Variants in MCTP2 observed in about 807,000 individuals in gnomAD.
MCTP2 encodes multiple C2 and transmembrane domain-containing protein 2.
Under a neutral mutation model 111.6 loss-of-function variants are expected in MCTP2, and 132 were observed. The ratio of observed to expected loss-of-function variants is 1.18; its 90% CI spans 1.03 to 1.37. The LOEUF (loss-of-function observed/expected upper bound fraction) is 1.37, where lower values mean the gene tolerates loss of function less well. Among genes scored for constraint, MCTP2 ranks in the 40% most tolerant of loss-of-function variants. The probability of loss-of-function intolerance (pLI) is 0.00; values close to 1 mark genes in which losing one functional copy is unlikely to be tolerated. For synonymous variants in MCTP2, 395 were observed against 387.7 expected (o/e 1.02, Z -0.22); for missense variants, 1,183 against 1,067.9 (o/e 1.11, Z -1.50).
chr15:94,344,359 C>T (rs1384680101), intron 7 of MCTP2, among the ~76,000 whole-genome samples: 1 of 152,138 alleles, frequency 6.6e-6, no homozygotes, highest in Non-Finnish European at 1.5e-5. Context: ...ATGTGGTCTG[C>T]TCAATTAGGT....
At chr15:94,435,383 T>C (rs1298039600) in intron 17 of MCTP2, among the ~76,000 whole-genome samples, 1 of 152,148 alleles carries the variant, frequency 6.6e-6, no homozygotes, top group African/African-American at 2.4e-5. Flanking sequence ...GTTTTATAAA[T>C]TTTATTCTAA....
At chr15:94,345,256 C>A in intron 8 of MCTP2, 92 bp downstream of exon 8, 1 of 1,202,156 alleles carries the variant, frequency 8.3e-7, no homozygotes, top group Non-Finnish European at 1.2e-6. Context: ...ATTACCCAAT[C>A]TTTACATCAA....
At chr15:94,358,732 A>G (rs2078763960) in intron 10 of MCTP2, 120 bp downstream of exon 10, 1 of 1,216,834 alleles carries the variant, frequency 8.2e-7, no homozygotes, top group South Asian at 1.6e-5. Context: ...CCAGAGTGCC[A>G]TCAGTGAGCT....
chr15:94,240,417 T>C (rs891926747), intron 1 of MCTP2, among the ~76,000 whole-genome samples: 1 of 152,160 alleles, frequency 6.6e-6, no homozygotes, highest in African/African-American at 2.4e-5. Flanking sequence ...CTGCACTCTG[T>C]TTTGCATCCC....
At chr15:94,478,891 T>C (rs1596882522) in intron 22 of MCTP2, 75 bp from the exon 23 acceptor site, 2 of 1,308,048 alleles carry the variant, frequency 1.5e-6, no homozygotes, top group South Asian at 1.2e-5. Context: ...CGGTTGTCCT[T>C]GGGGAGCCAT....
At chr15:94,420,647 A>G (rs1246533984) in intron 17 of MCTP2, among the ~76,000 whole-genome samples, 2 of 152,208 alleles carry the variant, frequency 1.3e-5, no homozygotes, top group Non-Finnish European at 2.9e-5. Flanking sequence ...GTAGAGCCTG[A>G]AAATGTGACT....
intron 12 of MCTP2, among the ~76,000 whole-genome samples, chr15:94,373,773 A>G (rs1227832229): frequency 2.6e-5 from 4 of 152,180 alleles, no homozygotes; most frequent in African/African-American, 9.7e-5. Flanking sequence ...AAGCCTGTCA[A>G]ATGTTTTTTA....
At chr15:94,370,737 T>C (rs1380713372) in intron 12 of MCTP2, among the ~76,000 whole-genome samples, 2 of 152,178 alleles carry the variant, frequency 1.3e-5, no homozygotes, top group East Asian at 3.9e-4. Flanking sequence ...TGTGCTGGAT[T>C]ATGCTCTGCT....
chr15:94,440,426 C>T (rs185709175), intron 18 of MCTP2, 128 bp downstream of exon 18: 1 of 1,148,160 alleles, frequency 8.7e-7, no homozygotes, highest in Non-Finnish European at 1.2e-6. Flanking sequence ...TGCAAAGGCA[C>T]TCATTTTGCA....
At chr15:94,300,470 A>G (rs900943125) in intron 2 of MCTP2, among the ~76,000 whole-genome samples, 5 of 149,208 alleles carry the variant, frequency 3.4e-5, no homozygotes, top group Middle Eastern at 3.4e-3. Context: ...AGATCGCGCC[A>G]CTGCACTCCA....
chr15:94,436,590 C>A (rs964067860), intron 17 of MCTP2, among the ~76,000 whole-genome samples: 3 of 152,094 alleles, frequency 2.0e-5, no homozygotes, highest in Non-Finnish European at 4.4e-5. Flanking sequence ...CTTAAGTATT[C>A]CCGATAGAGG....
chr15:94,450,382 C>T lies in MCTP2; in HGVS notation c.2250+7422C>T, dbSNP rs565391037. On this transcript the variant is annotated intron_variant, in intron 19 of 22. Transcript: ENST00000357742. The stretch of plus-strand genomic sequence containing the variant: ...CACGCGCACGTGTGCGTCTGCATCC[C>T]TGCATGCCCACAAAATGCCTCATGG... Among the ~76,000 whole-genome samples the T allele has an allele frequency of 5.3e-5, 8 of 152,344 alleles. No homozygotes were observed. In the South Asian group the frequency reaches 1.7e-3, roughly 32 times the overall value.
At chr15:94,336,676 C>CAT (rs10644556) in intron 4 of MCTP2, among the ~76,000 whole-genome samples, 63,674 of 146,474 alleles carry the variant, frequency 0.43, 14,252 homozygotes, top group South Asian at 0.51. Context: ...TTTTGCTTAG[C>CAT]ATATATATAT....
chr15:94,443,173 T>C (rs536119513), intron 19 of MCTP2, among the ~76,000 whole-genome samples: 1 of 151,892 alleles, frequency 6.6e-6, no homozygotes, highest in Non-Finnish European at 1.5e-5. Flanking sequence ...GAAGGAATAA[T>C]TGAAATGTTA....
At chr15:94,360,350 C>G (rs2078862903) in intron 10 of MCTP2, among the ~76,000 whole-genome samples, 1 of 152,174 alleles carries the variant, frequency 6.6e-6, no homozygotes, top group Non-Finnish European at 1.5e-5. Flanking sequence ...CCTTGTCTCT[C>G]ACTTCTCCAC....
chr15:94,387,112 C>T (rs1397143627), intron 14 of MCTP2, among the ~76,000 whole-genome samples: 1 of 151,140 alleles, frequency 6.6e-6, no homozygotes, highest in Non-Finnish European at 1.5e-5. Context: ...CCTTCCTCTC[C>T]TCCCTTCCTC....
chr15:94,435,700 C>T lies in MCTP2; in HGVS notation c.2086-4476C>T, dbSNP rs1423842125. ...AGGCTGGAGTGCAGTGGCGCGATCT[C>T]GGCTCACTGCAAGCTCCGCCTCCCG... is the stretch of plus-strand genomic sequence containing the variant. On this transcript the variant is annotated intron_variant, in intron 17 of 22. Transcript: ENST00000357742. 3.1e-5 allele frequency among the ~76,000 whole-genome samples: 4 copies of T among 128,956 alleles called. 1 individual carries two copies. Among genetic ancestry groups the T allele is most frequent in the Admixed American group, 2.4e-4 (3 of 12,412 alleles). The allele number at this position is 128,956 out of a possible 152,430, so 84.6% of individuals were successfully genotyped here. A position where few individuals can be genotyped will look rare whatever the true frequency, so the allele number is the denominator to read the frequency against.
At chr15:94,454,016 C>T (rs754300671) in intron 19 of MCTP2, among the ~76,000 whole-genome samples, 2 of 152,106 alleles carry the variant, frequency 1.3e-5, no homozygotes, top group Admixed American at 6.5e-5. Context: ...AAGATTTCAT[C>T]GTACATATAT....
In MCTP2 at chr15:94,483,423, A is replaced by C. The variant is rs1182629109; in HGVS notation, c.*4389A>C. On this transcript the variant is annotated 3_prime_UTR_variant, in exon 23 of 23. Coordinates refer to ENST00000357742, the MANE Select transcript of MCTP2 (RefSeq NM_001385001.1). ...GCACACACATGTTCACTGCAACACT[A>C]TTTACAATAGCAAAGACACTGGATC... 6.6e-6 allele frequency: 1 copy of C among 152,206 alleles called. No homozygotes were observed. The highest frequency in any genetic ancestry group is 2.4e-5 in the African/African-American group (1 of 41,452). The allele number at this position is 152,206 out of a possible 1,614,324, so 9.4% of individuals were successfully genotyped here.
Sources: gnomAD v4.1 joint callset for allele counts (sites outside exome capture counted in the v4.1 genomes callset) on GRCh38, gnomAD v4.1.1 for gene constraint, MANE v1.5 for transcripts, NCBI Gene and HGNC (gene_info 2026-07-23, HGNC 2026-07-21) for gene names.